Variants in PCDH9 observed in about 807,000 individuals in gnomAD.
PCDH9 encodes the protein protocadherin-9.
In PCDH9, 24 loss-of-function variants were observed where a neutral mutation model predicts 70.6. The ratio of observed to expected loss-of-function variants is 0.34; its 90% confidence interval spans 0.25 to 0.48. The LOEUF is 0.48. PCDH9 is among the 20% of genes least tolerant of loss of function. The pLI, the probability that PCDH9 is intolerant of heterozygous loss-of-function variation, is 0.99. For missense variants in PCDH9, 1,281 were observed against 1,503.6 expected, an observed-to-expected ratio of 0.85 and a Z score of 2.45; for synonymous variants, 562 against 558.5, an observed-to-expected ratio of 1.01 and a Z score of -0.09.
chr13:67,024,582 T>C (rs2084742684), intron 2 of PCDH9, among the ~76,000 whole-genome samples: 1 of 152,138 alleles, frequency 6.6e-6, no homozygotes, highest in Non-Finnish European at 1.5e-5. Flanking sequence ...ATAGCATATA[T>C]TGGTTAGGCT....
intron 4 of PCDH9, among the ~76,000 whole-genome samples, chr13:66,627,425 A>C (rs898875542): frequency 7.2e-5 from 11 of 152,208 alleles, no homozygotes; most frequent in African/African-American, 2.7e-4. Flanking sequence ...ATTTAAAGGT[A>C]ATATGTAATA....
At chr13:66,451,252 T>G (rs1958203160) in intron 4 of PCDH9, among the ~76,000 whole-genome samples, 1 of 152,202 alleles carries the variant, frequency 6.6e-6, no homozygotes, top group Non-Finnish European at 1.5e-5. Context: ...CTTTACAGAA[T>G]AAAATTCAGG....
intron 4 of PCDH9, among the ~76,000 whole-genome samples, chr13:66,482,751 G>T (rs1405308128): frequency 6.6e-6 from 1 of 152,046 alleles, no homozygotes; most frequent in Non-Finnish European, 1.5e-5. Context: ...TCTTTATTCT[G>T]ATCTCCCCTA....
intron 4 of PCDH9, among the ~76,000 whole-genome samples, chr13:66,524,779 C>T (rs944497864): frequency 3.9e-5 from 6 of 151,976 alleles, no homozygotes; most frequent in Admixed American, 1.3e-4. Context: ...AATATGTTGC[C>T]GTTTATAATA....
At chr13:67,114,755 A>T (rs1484129126) in intron 2 of PCDH9, among the ~76,000 whole-genome samples, 1 of 152,214 alleles carries the variant, frequency 6.6e-6, no homozygotes, top group Non-Finnish European at 1.5e-5. Flanking sequence ...ATGAGGGGAG[A>T]TAAATGTAGA....
At chr13:66,456,983 C>T (rs910322295) in intron 4 of PCDH9, among the ~76,000 whole-genome samples, 9 of 152,016 alleles carry the variant, frequency 5.9e-5, no homozygotes, top group Non-Finnish European at 8.8e-5. Context: ...TATGAAAGTG[C>T]CCAAAAGTAA....
intron 3 of PCDH9, among the ~76,000 whole-genome samples, chr13:66,733,276 G>C (rs572489635): frequency 2.0e-5 from 3 of 151,996 alleles, no homozygotes; most frequent in Non-Finnish European, 4.4e-5. Flanking sequence ...ACATCAATAG[G>C]ATAGAAACTT....
At chr13:66,512,737 C>T (rs573421975) in intron 4 of PCDH9, among the ~76,000 whole-genome samples, 1 of 152,236 alleles carries the variant, frequency 6.6e-6, no homozygotes, top group African/African-American at 2.4e-5. Flanking sequence ...TTCTGTAAAA[C>T]AAACTGTAGA....
At chr13:66,450,682 A>G (rs972446740) in intron 4 of PCDH9, among the ~76,000 whole-genome samples, 5 of 152,210 alleles carry the variant, frequency 3.3e-5, no homozygotes, top group African/African-American at 9.6e-5. Flanking sequence ...GGTAATTTTT[A>G]TGCCAAAATT....
intron 4 of PCDH9, among the ~76,000 whole-genome samples, chr13:66,501,690 T>C (rs142109062): frequency 1.6e-4 from 25 of 152,170 alleles, no homozygotes; most frequent in Non-Finnish European, 3.5e-4. Flanking sequence ...GATAATGAGA[T>C]ATCAAGTAAT....
At chr13:66,975,736 G>T (rs570661856) in intron 2 of PCDH9, among the ~76,000 whole-genome samples, 3 of 151,964 alleles carry the variant, frequency 2.0e-5, no homozygotes, top group Admixed American at 1.3e-4. Context: ...ATAACTAGGT[G>T]CCAGAAATAC....
At chr13:66,621,019 T>A (rs2077415285) in intron 4 of PCDH9, among the ~76,000 whole-genome samples, 1 of 152,206 alleles carries the variant, frequency 6.6e-6, no homozygotes, top group Non-Finnish European at 1.5e-5. Flanking sequence ...AAATGAATAA[T>A]GTATACGAAG....
chr13:66,704,893 T>C (rs945471040), intron 3 of PCDH9, among the ~76,000 whole-genome samples: 1 of 152,182 alleles, frequency 6.6e-6, no homozygotes, highest in Non-Finnish European at 1.5e-5. Flanking sequence ...GGTATTAAAA[T>C]AGTCATATAA....
At chr13:66,796,311 G>A (rs2080239953) in intron 3 of PCDH9, among the ~76,000 whole-genome samples, 1 of 152,162 alleles carries the variant, frequency 6.6e-6, no homozygotes. Flanking sequence ...AAAAAGCAAA[G>A]TTGCAGACCC....
intron 3 of PCDH9, among the ~76,000 whole-genome samples, chr13:66,686,389 A>G (rs182031046): frequency 2.0e-5 from 3 of 152,272 alleles, no homozygotes; most frequent in Non-Finnish European, 4.4e-5. Context: ...GGCCTCCCCA[A>G]CCATGCAGAA....
intron 4 of PCDH9, among the ~76,000 whole-genome samples, chr13:66,611,646 C>T (rs762363769): frequency 3.9e-5 from 6 of 152,120 alleles, no homozygotes; most frequent in Non-Finnish European, 8.8e-5. Flanking sequence ...TCAAGATACA[C>T]TAAAGGAATA....
At chr13:66,654,436 TTTA>T (rs1287331312) in intron 3 of PCDH9, among the ~76,000 whole-genome samples, 1 of 152,090 alleles carries the variant, frequency 6.6e-6, no homozygotes, top group Non-Finnish European at 1.5e-5. Context: ...TCAACAATAA[TTTA>T]TTGTATATTT....
chr13:66,484,247 A>G (rs1214363884), intron 4 of PCDH9, among the ~76,000 whole-genome samples: 2 of 152,144 alleles, frequency 1.3e-5, no homozygotes, highest in African/African-American at 2.4e-5. Context: ...CCAGCTGCCT[A>G]TAGATGGCAA....
intron 2 of PCDH9, among the ~76,000 whole-genome samples, chr13:66,965,454 C>T (rs2139734914): frequency 6.6e-6 from 1 of 152,194 alleles, no homozygotes; most frequent in South Asian, 2.1e-4. Context: ...CACTTTTTCT[C>T]ACCACTCCAT....
Sources: allele counts gnomAD v4.1 joint callset (sites outside exome capture counted in the v4.1 genomes callset), GRCh38; gene constraint gnomAD v4.1.1; transcripts MANE v1.5; gene names NCBI Gene and HGNC (gene_info 2026-07-23, HGNC 2026-07-21).